The following MAGI2 variants were observed in gnomAD, a reference collection of about 807,000 sequenced individuals.
MAGI2 encodes the protein membrane-associated guanylate kinase, WW and PDZ domain-containing protein 2.
A neutral mutation model predicts 133.3 loss-of-function variants in MAGI2; 35 were observed. That is an observed-to-expected ratio of 0.26 (90% confidence interval 0.20 to 0.35). The LOEUF is 0.35. Among genes scored for constraint, MAGI2 ranks in the 10% least tolerant of loss-of-function variants. The pLI is 1.00. For missense variants in MAGI2, 1,636 were observed against 1,863.4 expected, an observed-to-expected ratio of 0.88 and a Z score of 2.25; for synonymous variants, 729 against 710.6, an observed-to-expected ratio of 1.03 and a Z score of -0.41.
intron 1 of MAGI2, among the ~76,000 whole-genome samples, chr7:79,297,455 C>T (rs576258690): frequency 3.3e-5 from 5 of 152,208 alleles, no homozygotes; most frequent in South Asian, 4.2e-4. Context: ...GAACTATCAT[C>T]GAGAAGGCAG....
intron 2 of MAGI2, among the ~76,000 whole-genome samples, chr7:78,690,217 AATTC>A (rs1816810626): frequency 6.6e-6 from 1 of 152,214 alleles, no homozygotes; most frequent in African/African-American, 2.4e-5. Context: ...TAAAATATAG[AATTC>A]ATTCATTCAA....
At chr7:78,314,469 T>G (rs914347066) in intron 9 of MAGI2, among the ~76,000 whole-genome samples, 3 of 152,116 alleles carry the variant, frequency 2.0e-5, no homozygotes, top group African/African-American at 7.2e-5. Context: ...GATGACTGAC[T>G]TATAAGAGGG....
intron 1 of MAGI2, among the ~76,000 whole-genome samples, chr7:79,256,971 T>C (rs746513349): frequency 2.0e-5 from 3 of 152,046 alleles, no homozygotes; most frequent in Non-Finnish European, 4.4e-5. Flanking sequence ...AAGAGACTTA[T>C]TGTACAACAT....
intron 2 of MAGI2, among the ~76,000 whole-genome samples, chr7:78,945,209 G>A (rs1045896888): frequency 4.0e-5 from 6 of 151,794 alleles, no homozygotes; most frequent in Admixed American, 1.3e-4. Context: ...GCATAGGCGT[G>A]CATCCCCACA....
chr7:78,224,598 G>A (rs13244464), intron 10 of MAGI2, among the ~76,000 whole-genome samples: 22,974 of 152,100 alleles, frequency 0.15, 2,335 homozygotes, highest in Middle Eastern at 0.26. Flanking sequence ...CCCAGGAGGT[G>A]GAGGTCGCAG....
At chr7:78,282,254 T>C (rs558717189) in intron 9 of MAGI2, among the ~76,000 whole-genome samples, 1 of 152,114 alleles carries the variant, frequency 6.6e-6, no homozygotes, top group Non-Finnish European at 1.5e-5. Flanking sequence ...CCTGTCCTGG[T>C]TCTTCTACCA....
At chr7:78,308,528 T>A (rs941637015) in intron 9 of MAGI2, among the ~76,000 whole-genome samples, 5 of 147,208 alleles carry the variant, frequency 3.4e-5, no homozygotes, top group Non-Finnish European at 7.5e-5. Context: ...CCGACCCATC[T>A]TTTTTTTTTT....
Position 78,256,384 on chromosome 7 carries a change from C to T in MAGI2, c.1606G>A (p.Val536Met). 6.2e-7 allele frequency: 1 copy of T among 1,613,930 alleles called. No individual in the cohort carries two copies. Among genetic ancestry groups the T allele is most frequent in the Middle Eastern group, 1.7e-4 (1 of 6,060 alleles). ...TAGTTGTGTCTTCCATTGACCATCA[C>T]TGGAGGTGGCCTCTCCATTATTGCA... ...PLAIMERPPP[V>M]MVNGRHNYET... is the part of the protein sequence containing the mutation. The change falls in exon 10 of 22, where the codon GTG (valine) becomes ATG (methionine). Residue 536 changes from valine to methionine, a missense_variant. Coordinates refer to ENST00000354212, the MANE Select transcript of MAGI2 (RefSeq NM_012301.4).
chr7:79,140,558 C>T (rs1051670610), intron 1 of MAGI2, among the ~76,000 whole-genome samples: 3 of 151,922 alleles, frequency 2.0e-5, no homozygotes, highest in African/African-American at 7.3e-5. Context: ...ATGGAAAGGA[C>T]GATGAAAAAC....
At chr7:78,962,072 A>C (rs1014312161) in intron 2 of MAGI2, among the ~76,000 whole-genome samples, 19 of 152,114 alleles carry the variant, frequency 1.2e-4, no homozygotes, top group Admixed American at 9.2e-4. Context: ...TGAGACTATC[A>C]TAAGTGCTGT....
rs1160161708 is a variant in MAGI2 at position 79,077,592 on chromosome 7, AAAATAAATAAAT to A, written c.302-70398_302-70387del. On this transcript the variant is annotated intron_variant, in intron 1 of 21. Coordinates refer to ENST00000354212, the MANE Select transcript of MAGI2 (RefSeq NM_012301.4). ...TGCCTCTCAAAAAAAAAAAAAAAAA[AAAATAAATAAAT>A]AAATAAATTCCCTTTTGCTTAACTA... Among the ~76,000 whole-genome samples the A allele has an allele frequency of 1.6e-4, 20 of 126,986 alleles. 5 individuals are homozygous for A. The highest frequency in any genetic ancestry group is 7.8e-4 in the South Asian group (3 of 3,868). The allele number at this position is 126,986 out of a possible 152,430, so 83.3% of individuals were successfully genotyped here. A position where few individuals can be genotyped will look rare whatever the true frequency, so the allele number is the denominator to read the frequency against.
At chr7:78,037,416 C>T (rs954962037) in intron 21 of MAGI2, among the ~76,000 whole-genome samples, 1 of 152,196 alleles carries the variant, frequency 6.6e-6, no homozygotes, top group African/African-American at 2.4e-5. Context: ...CTATTTGGAA[C>T]CATCTGAGCC....
chr7:78,033,727 T>A (rs559840661), intron 21 of MAGI2, among the ~76,000 whole-genome samples: 2 of 152,152 alleles, frequency 1.3e-5, no homozygotes, highest in African/African-American at 4.8e-5. Context: ...GTCTGCTAGA[T>A]GCAGAGAGTA....
chr7:79,094,088 A>G (rs1189619983), intron 1 of MAGI2, among the ~76,000 whole-genome samples: 1 of 152,204 alleles, frequency 6.6e-6, no homozygotes, highest in Admixed American at 6.5e-5. Flanking sequence ...TCTCTGTAGC[A>G]TGTGATGAAA....
intron 9 of MAGI2, among the ~76,000 whole-genome samples, chr7:78,333,576 A>G (rs907266097): frequency 1.3e-5 from 2 of 152,196 alleles, no homozygotes; most frequent in Admixed American, 1.3e-4. Flanking sequence ...AATCAATGGA[A>G]TGAGGTGGAA....
intron 1 of MAGI2, among the ~76,000 whole-genome samples, chr7:79,448,697 AG>A (rs1429701489): frequency 1.3e-5 from 2 of 152,162 alleles, no homozygotes; most frequent in Non-Finnish European, 2.9e-5. Flanking sequence ...TGTATTTGAA[AG>A]TCATTAATTA....
chr7:78,231,983 C>T (rs891103156), intron 10 of MAGI2, among the ~76,000 whole-genome samples: 3 of 151,662 alleles, frequency 2.0e-5, no homozygotes, highest in Non-Finnish European at 2.9e-5. Flanking sequence ...TAGTTACAAA[C>T]CCACCCCTGG....
intron 5 of MAGI2, among the ~76,000 whole-genome samples, chr7:78,500,488 T>C (rs1794524002): frequency 6.6e-6 from 1 of 152,230 alleles, no homozygotes; most frequent in Non-Finnish European, 1.5e-5. Context: ...AAATCAACAA[T>C]TTAATTTTGT....
chr7:79,161,835 G>A (rs1481305844), intron 1 of MAGI2, among the ~76,000 whole-genome samples: 3 of 152,104 alleles, frequency 2.0e-5, no homozygotes, highest in Admixed American at 6.6e-5. Context: ...GCGTAAGTTC[G>A]ATATAAGTTT....
Sources: allele counts gnomAD v4.1 joint callset (sites outside exome capture counted in the v4.1 genomes callset), GRCh38; gene constraint gnomAD v4.1.1; transcripts MANE v1.5; gene names NCBI Gene and HGNC (gene_info 2026-07-23, HGNC 2026-07-21).